UVRAG: variants seen among roughly 807,000 people sequenced by gnomAD.
The protein encoded by UVRAG is UV radiation resistance associated.
A neutral mutation model predicts 78.0 loss-of-function variants in UVRAG; 19 were observed. The ratio of observed to expected loss-of-function variants is 0.24; its 90% CI spans 0.17 to 0.36. The LOEUF is 0.36. Among genes scored for constraint, UVRAG ranks in the 10% least tolerant of loss-of-function variants. The probability of loss-of-function intolerance (pLI) is 1.00; values close to 1 mark genes in which losing one functional copy is unlikely to be tolerated. For synonymous variants in UVRAG, 323 were observed against 324.6 expected, an observed-to-expected ratio of 1.00 and a Z score of 0.05; for missense variants, 740 against 853.8, an observed-to-expected ratio of 0.87 and a Z score of 1.66.
intron 6 of UVRAG, among the ~76,000 whole-genome samples, chr11:75,943,137 A>G (rs1046509965): frequency 6.6e-6 from 1 of 152,084 alleles, no homozygotes; most frequent in Admixed American, 6.6e-5. Context: ...GAGGGTACAA[A>G]TATTTATACT....
intron 13 of UVRAG, among the ~76,000 whole-genome samples, chr11:76,109,796 G>C (rs1469122549): frequency 6.6e-6 from 1 of 152,154 alleles, no homozygotes; most frequent in Admixed American, 6.5e-5. Flanking sequence ...TATCTTACCA[G>C]GGAGTTAACT....
intron 8 of UVRAG, among the ~76,000 whole-genome samples, chr11:75,993,211 C>T (rs937291827): frequency 1.2e-4 from 19 of 152,122 alleles, no homozygotes; most frequent in African/African-American, 4.6e-4. Context: ...TATTTTTGTT[C>T]ATGAAAATCC....
At chr11:76,095,359 C>A (rs536131569) in intron 13 of UVRAG, among the ~76,000 whole-genome samples, 1 of 152,034 alleles carries the variant, frequency 6.6e-6, no homozygotes, top group African/African-American at 2.4e-5. Flanking sequence ...TTTGTTACCA[C>A]TTATCTATCT....
At chr11:76,102,701 A>C (rs1354401474) in intron 13 of UVRAG, among the ~76,000 whole-genome samples, 1 of 152,106 alleles carries the variant, frequency 6.6e-6, no homozygotes, top group Non-Finnish European at 1.5e-5. Flanking sequence ...TGTTGACTGT[A>C]GGTTTGTCAT....
intron 1 of UVRAG, among the ~76,000 whole-genome samples, chr11:75,851,653 T>A (rs1407425432): frequency 6.6e-6 from 1 of 152,218 alleles, no homozygotes; most frequent in African/African-American, 2.4e-5. Flanking sequence ...ATATTTCATG[T>A]CTGTTGTCAC....
At chr11:75,871,165 C>T (rs1590955552) in intron 3 of UVRAG, among the ~76,000 whole-genome samples, 1 of 152,146 alleles carries the variant, frequency 6.6e-6, no homozygotes. Context: ...TGCGCCCCTG[C>T]GCCCGGCCTA....
chr11:75,841,988 T>A (rs761584690), intron 1 of UVRAG, among the ~76,000 whole-genome samples: 1 of 152,216 alleles, frequency 6.6e-6, no homozygotes, highest in Non-Finnish European at 1.5e-5. Context: ...GCTCCGAGCC[T>A]CAGGACATGG....
chr11:76,100,969 A>G (rs567055984), intron 13 of UVRAG, among the ~76,000 whole-genome samples: 1 of 152,256 alleles, frequency 6.6e-6, no homozygotes, highest in East Asian at 1.9e-4. Flanking sequence ...ATAATATTCC[A>G]TGGTGTATAT....
intron 1 of UVRAG, among the ~76,000 whole-genome samples, chr11:75,840,354 C>T (rs1446311626): frequency 6.6e-6 from 1 of 152,024 alleles, no homozygotes; most frequent in Middle Eastern, 3.4e-3. Context: ...GAGACACTTA[C>T]AGAGGGCGGT....
intron 1 of UVRAG, among the ~76,000 whole-genome samples, chr11:75,828,734 TATATATATATATACACACAC>T (rs1164283919): frequency 0.049 from 5,025 of 103,162 alleles, 311 homozygotes; most frequent in African/African-American, 0.21. Flanking sequence ...TGTGTGTGTA[TATATATATATATACACACAC>T]ATATATATAT....
chr11:75,936,606 T>C (rs571307979), intron 6 of UVRAG, among the ~76,000 whole-genome samples: 3 of 152,336 alleles, frequency 2.0e-5, no homozygotes, highest in Admixed American at 2.0e-4. Context: ...TTCTGTGTTC[T>C]TAAGACATAT....
intron 14 of UVRAG, among the ~76,000 whole-genome samples, chr11:76,136,431 G>T (rs953609157): frequency 1.5e-4 from 22 of 151,504 alleles, no homozygotes; most frequent in Non-Finnish European, 1.0e-4. Flanking sequence ...TTACCAGGAG[G>T]TTTTAATAGC....
intron 14 of UVRAG, among the ~76,000 whole-genome samples, chr11:76,134,446 C>T (rs1462486014): frequency 6.6e-6 from 1 of 152,060 alleles, no homozygotes; most frequent in African/African-American, 2.4e-5. Flanking sequence ...TCTTTATTTC[C>T]TTCTTGCAGC....
chr11:75,834,492 A>T (rs1189163829), intron 1 of UVRAG, among the ~76,000 whole-genome samples: 1 of 152,152 alleles, frequency 6.6e-6, no homozygotes, highest in Non-Finnish European at 1.5e-5. Flanking sequence ...ATGCCCTTGC[A>T]ACTAATAGTC....
intron 13 of UVRAG, among the ~76,000 whole-genome samples, chr11:76,075,633 G>T (rs1351395096): frequency 3.3e-5 from 5 of 151,448 alleles, no homozygotes; most frequent in Admixed American, 3.3e-4. Flanking sequence ...AAAGTATATA[G>T]TTCAGTGGCT....
chr11:76,056,243 C>T lies in UVRAG; in HGVS notation c.1227-9467C>T, dbSNP rs115840113. ...TTCACTTGGCATATTATTGTAGGTT[C>T]TTTCATCCTCAACACTTAGGTGGTT... On this transcript the variant is annotated intron_variant, in intron 12 of 14. Transcript: ENST00000356136. 4.4e-3 allele frequency among the ~76,000 whole-genome samples: 672 copies of T among 152,308 alleles called. 5 individuals carry two copies. Among genetic ancestry groups the T allele is most frequent in the African/African-American group, 0.016 (646 of 41,560 alleles).
At chr11:75,960,376 T>C (rs1565399837) in intron 6 of UVRAG, among the ~76,000 whole-genome samples, 1 of 152,232 alleles carries the variant, frequency 6.6e-6, no homozygotes, top group Non-Finnish European at 1.5e-5. Flanking sequence ...GTTTTGTAGA[T>C]TTCTGATCAT....
At chr11:75,861,432 G>A (rs1590944743) in intron 2 of UVRAG, among the ~76,000 whole-genome samples, 2 of 152,340 alleles carry the variant, frequency 1.3e-5, no homozygotes, top group South Asian at 4.1e-4. Context: ...GAGGGTGGAA[G>A]CGGGGAAGGA....
intron 3 of UVRAG, among the ~76,000 whole-genome samples, chr11:75,878,757 A>T (rs1014394830): frequency 6.6e-6 from 1 of 152,136 alleles, no homozygotes; most frequent in Non-Finnish European, 1.5e-5. Context: ...GGCACTCGGC[A>T]GGCTGAGGCA....
Sources: allele counts gnomAD v4.1 joint callset (sites outside exome capture counted in the v4.1 genomes callset), GRCh38; gene constraint gnomAD v4.1.1; transcripts MANE v1.5; gene names NCBI Gene and HGNC (gene_info 2026-07-23, HGNC 2026-07-21).